The following MAU2 variants were observed in gnomAD, a reference collection of about 807,000 sequenced individuals.
MAU2 encodes the protein MAU2 sister chromatid cohesion factor.
MAU2 carries 9 observed loss-of-function variants against 89.1 expected under a neutral mutation model. The observed-to-expected ratio is 0.10, with a 90% CI of 0.06 to 0.18. MAU2 has a LOEUF of 0.18. Ranked by LOEUF, MAU2 falls within the 10% of genes least tolerant of loss-of-function variation. The pLI, the probability that MAU2 is intolerant of heterozygous loss-of-function variation, is 1.00. For missense variants in MAU2, 425 were observed against 803.5 expected (o/e 0.53, Z 5.69); for synonymous variants, 357 against 343.4 (o/e 1.04, Z -0.44).
chr19:19,331,772 A>G (rs2061557581), intron 1 of MAU2, among the ~76,000 whole-genome samples: 1 of 152,158 alleles, frequency 6.6e-6, no homozygotes, highest in Non-Finnish European at 1.5e-5. Context: ...AACTCTAACA[A>G]AGATACAAAA....
intron 10 of MAU2, 145 bp downstream of exon 10, chr19:19,344,085 G>T (rs1417741897): frequency 1.5e-6 from 1 of 660,294 alleles, no homozygotes; most frequent in Non-Finnish European, 2.7e-6. Context: ...TTACAGCCCT[G>T]CATGGGCACC....
chr19:19,329,057 C>T (rs1003446810), intron 1 of MAU2: 4 of 455,870 alleles, frequency 8.8e-6, no homozygotes, highest in African/African-American at 6.0e-5. Context: ...CCAGGTTTAG[C>T]CTGAGCATCT....
At chr19:19,330,030 A>G (rs1220998952) in intron 1 of MAU2, among the ~76,000 whole-genome samples, 1 of 151,432 alleles carries the variant, frequency 6.6e-6, no homozygotes, top group African/African-American at 2.4e-5. Flanking sequence ...CCCAGGCTGG[A>G]GTGCAGTGGC....
intron 13 of MAU2, chr19:19,347,736 G>T (rs1013691202): frequency 1.1e-5 from 2 of 178,212 alleles, no homozygotes; most frequent in Non-Finnish European, 2.4e-5. Flanking sequence ...CCCAGGTTGT[G>T]CTGATGCCCC....
At chr19:19,323,181 C>T (rs1379196256) in intron 1 of MAU2, among the ~76,000 whole-genome samples, 1 of 151,968 alleles carries the variant, frequency 6.6e-6, no homozygotes, top group Non-Finnish European at 1.5e-5. Flanking sequence ...GCCACTGCGC[C>T]CAGCCCCAGA....
At chr19:19,343,756 A>C (rs1758777824) in intron 9 of MAU2, 81 bp from the exon 10 acceptor site, 7 of 1,010,018 alleles carry the variant, frequency 6.9e-6, no homozygotes, top group Admixed American at 6.9e-5. Flanking sequence ...AGGAGACAGG[A>C]ACGAGGTGGG....
intron 1 of MAU2, among the ~76,000 whole-genome samples, chr19:19,331,770 C>G (rs2061557558): frequency 2.0e-5 from 3 of 152,132 alleles, no homozygotes; most frequent in South Asian, 4.1e-4. Context: ...AAAACTCTAA[C>G]AAAGATACAA....
rs909961749 is a variant in MAU2, at chr19:19,358,206, C to T, written c.*2424C>T. Reference sequence around the variant, plus strand: ...ACCCTTCAGTGGATGAGGACAAGGTCGCAGAAAGGCATTCTGTTGACAGAT... The same window carrying T: ...ACCCTTCAGTGGATGAGGACAAGGTTGCAGAAAGGCATTCTGTTGACAGAT... On this transcript the variant is annotated 3_prime_UTR_variant, in exon 19 of 19. Coordinates refer to ENST00000262815, the MANE Select transcript of MAU2 (RefSeq NM_015329.4). 3.3e-5 allele frequency: 5 copies of T among 152,178 alleles called. No individual in the cohort carries two copies. Among genetic ancestry groups the T allele is most frequent in the Admixed American group, 6.6e-5 (1 of 15,264 alleles). The allele number at this position is 152,178 out of a possible 1,614,324, so 9.4% of individuals were successfully genotyped here.
In MAU2 at chr19:19,343,931, G is replaced by T; in HGVS notation, c.1068G>T (p.Ala356=). The change falls in exon 10 of 19, where the codon GCG becomes GCT. Residue 356 remains alanine, a synonymous_variant. Transcript: ENST00000262815. ...TTGTCACGGGTCACAAGGCCACGGCGCTGCAGGAGGTAAGGCTGGAAGCAG... is the reference window on the plus strand; with the variant it reads ...TTGTCACGGGTCACAAGGCCACGGCTCTGCAGGAGGTAAGGCTGGAAGCAG... ...CRLVTGHKAT[A]LQEISQVCQL... is the part of the protein sequence containing the mutation. 1 of 1,611,910 alleles carries T rather than the reference G, an allele frequency of 6.2e-7. No individual in the cohort carries two copies.
intron 13 of MAU2, chr19:19,348,401 G>A (rs1276826453): frequency 2.9e-5 from 6 of 207,024 alleles, no homozygotes; most frequent in African/African-American, 4.8e-5. Context: ...TTAGTCATCC[G>A]ATGCCATACG....
chr19:19,353,516 T>A (rs1195635846), intron 16 of MAU2: 3 of 152,270 alleles, frequency 2.0e-5, no homozygotes, highest in Non-Finnish European at 4.4e-5. Context: ...TGGAGAAGTA[T>A]CTGGTGGCGT....
chr19:19,358,508 G>A lies in MAU2; in HGVS notation c.*2726G>A, dbSNP rs759504451. The stretch of plus-strand genomic sequence containing the variant: ...CATGGTGGCTCAATTGGTTGGTTGC[G>A]TTGTCAGTTGTCTCTTCGTTTTGTT... On this transcript the variant is annotated 3_prime_UTR_variant, in exon 19 of 19. Coordinates refer to ENST00000262815, the MANE Select transcript of MAU2 (RefSeq NM_015329.4). 2 of 152,236 alleles carry A rather than the reference G, an allele frequency of 1.3e-5. No individual in the cohort carries two copies. Among genetic ancestry groups the A allele is most frequent in the East Asian group, 1.9e-4 (1 of 5,202 alleles). The allele number at this position is 152,236 out of a possible 1,614,324, so 9.4% of individuals were successfully genotyped here.
At chr19:19,343,805 C>T (rs1568662035) in intron 9 of MAU2, 32 bp from the exon 10 acceptor site, 3 of 1,557,558 alleles carry the variant, frequency 1.9e-6, no homozygotes, top group Admixed American at 1.7e-5. Context: ...TCTGGCCTCC[C>T]CTGCATGCTT....
At chr19:19,337,079 T>G in intron 3 of MAU2, 91 bp from the exon 4 acceptor site, 1 of 951,394 alleles carries the variant, frequency 1.1e-6, no homozygotes, top group East Asian at 2.6e-5. Context: ...AACTGCCTTC[T>G]GGCACCACAG....
chr19:19,355,633 A>C, intron 18 of MAU2, 75 bp from the exon 19 acceptor site: 28 of 1,364,262 alleles, frequency 2.1e-5, no homozygotes, highest in Non-Finnish European at 2.9e-5. Context: ...CAGCCCAAGG[A>C]AGGCAGCATT....
chr19:19,331,659 T>C (rs1039462544), intron 1 of MAU2, among the ~76,000 whole-genome samples: 1 of 151,926 alleles, frequency 6.6e-6, no homozygotes, highest in African/African-American at 2.4e-5. Context: ...CCCAGTACTT[T>C]GGAAGGCTGA....
intron 1 of MAU2, among the ~76,000 whole-genome samples, chr19:19,326,575 A>G (rs1283806989): frequency 6.6e-6 from 1 of 150,776 alleles, no homozygotes; most frequent in Non-Finnish European, 1.5e-5. Flanking sequence ...AGTCCCAGCT[A>G]CTCGGGAGGC....
chr19:19,355,249 A>G lies in MAU2; in HGVS notation c.1640-15A>G, dbSNP rs879105457. The stretch of plus-strand genomic sequence containing the variant: ...CAGGGCAAGGCGGGCCCCCATGCTC[A>G]TGTCCCACTCTCAGACCTGAATAAA... On this transcript the variant is annotated splice_polypyrimidine_tract_variant and intron_variant, in intron 17 of 18. Coordinates refer to ENST00000262815, the MANE Select transcript of MAU2 (RefSeq NM_015329.4). 1.2e-6 allele frequency: 2 copies of G among 1,613,632 alleles called. No individual in the cohort carries two copies. The highest frequency in any genetic ancestry group is 1.7e-4 in the Middle Eastern group (1 of 6,042).
chr19:19,355,465 G>A, intron 18 of MAU2, 74 bp downstream of exon 18: 1 of 1,582,244 alleles, frequency 6.3e-7, no homozygotes, highest in Non-Finnish European at 8.6e-7. Flanking sequence ...GGGCACCTTG[G>A]CTGTATTTCT....
Sources: gnomAD v4.1 joint callset for allele counts (sites outside exome capture counted in the v4.1 genomes callset) on GRCh38, gnomAD v4.1.1 for gene constraint, MANE v1.5 for transcripts, NCBI Gene and HGNC (gene_info 2026-07-23, HGNC 2026-07-21) for gene names.